Variants in IQCM observed in about 807,000 individuals in gnomAD.
IQCM encodes IQ motif containing M, also known as IQ domain-containing protein M.
Under a neutral mutation model 57.6 loss-of-function variants are expected in IQCM, and 45 were observed. The ratio of observed to expected loss-of-function variants is 0.78; its 90% confidence interval spans 0.62 to 1.00. The LOEUF is 1.00. Among genes scored for constraint, IQCM ranks in the 50% least tolerant of loss-of-function variants. IQCM has a pLI of 0.00. For missense variants in IQCM, 468 were observed against 511.6 expected, an observed-to-expected ratio of 0.91 and a Z score of 0.82; for synonymous variants, 148 against 158.9, an observed-to-expected ratio of 0.93 and a Z score of 0.51.
intron 13 of IQCM, among the ~76,000 whole-genome samples, chr4:149,395,088 C>T (rs1732131678): frequency 6.6e-6 from 1 of 151,994 alleles, no homozygotes; most frequent in Non-Finnish European, 1.5e-5. Context: ...TCTAAAACTT[C>T]CCTACTGAAA....
chr4:149,440,460 C>G (rs1735828447), intron 12 of IQCM, among the ~76,000 whole-genome samples: 1 of 151,996 alleles, frequency 6.6e-6, no homozygotes, highest in South Asian at 2.1e-4. Context: ...GTTAATTACA[C>G]AGTTAAATAT....
intron 7 of IQCM, among the ~76,000 whole-genome samples, chr4:149,670,881 G>A (rs1413784557): frequency 2.6e-5 from 4 of 151,592 alleles, no homozygotes; most frequent in Non-Finnish European, 5.9e-5. Context: ...CGGTTTGCCA[G>A]TATTTTACTG....
intron 12 of IQCM, among the ~76,000 whole-genome samples, chr4:149,537,800 T>C (rs1314175865): frequency 6.6e-6 from 1 of 151,814 alleles, no homozygotes; most frequent in East Asian, 1.9e-4. Context: ...CAGAAGGCAG[T>C]AGAAGGATAT....
intron 12 of IQCM, among the ~76,000 whole-genome samples, chr4:149,527,618 C>T (rs771479460): frequency 1.2e-4 from 18 of 152,068 alleles, no homozygotes; most frequent in African/African-American, 2.4e-4. Context: ...GCAGCCTGAG[C>T]GGAGTAAGAT....
At chr4:149,813,121 T>C (rs1774739565) in intron 2 of IQCM, among the ~76,000 whole-genome samples, 1 of 152,146 alleles carries the variant, frequency 6.6e-6, no homozygotes, top group Admixed American at 6.6e-5. Context: ...GCATTCTTAG[T>C]CCTGGCATCC....
intron 9 of IQCM, among the ~76,000 whole-genome samples, chr4:149,564,639 CA>C (rs1750438290): frequency 6.6e-6 from 1 of 152,136 alleles, no homozygotes; most frequent in Non-Finnish European, 1.5e-5. Context: ...TGTGAAAAGA[CA>C]GACTGGCCTA....
intron 13 of IQCM, 56 bp from the exon 14 acceptor site, chr4:149,352,122 T>C (rs1728624625): frequency 5.0e-6 from 2 of 398,620 alleles, no homozygotes; most frequent in Admixed American, 8.8e-5. Flanking sequence ...ATGATAGTAA[T>C]GTACCATGGT....
intron 2 of IQCM, among the ~76,000 whole-genome samples, chr4:149,766,754 A>G (rs1770098671): frequency 6.6e-6 from 1 of 152,162 alleles, no homozygotes; most frequent in Non-Finnish European, 1.5e-5. Flanking sequence ...GGGAAGAATT[A>G]TTATGAATAA....
At chr4:149,428,352 C>T (rs1450050550) in intron 13 of IQCM, among the ~76,000 whole-genome samples, 1 of 151,544 alleles carries the variant, frequency 6.6e-6, no homozygotes, top group African/African-American at 2.4e-5. Flanking sequence ...ATAAATCAAA[C>T]ATGTATTGGA....
chr4:149,523,184 G>T (rs1295451092), intron 12 of IQCM, among the ~76,000 whole-genome samples: 2 of 152,014 alleles, frequency 1.3e-5, no homozygotes, highest in Non-Finnish European at 2.9e-5. Context: ...TCTTATAAAA[G>T]CACTAATCCC....
chr4:149,398,956 A>G (rs576778711), intron 13 of IQCM, among the ~76,000 whole-genome samples: 1 of 152,122 alleles, frequency 6.6e-6, no homozygotes, highest in South Asian at 2.1e-4. Flanking sequence ...GCTGGGCTTG[A>G]ACTACTTGGC....
chr4:149,626,332 A>T lies in IQCM; in HGVS notation c.566-5088T>A, dbSNP rs77296755. 4.0e-5 allele frequency among the ~76,000 whole-genome samples: 6 copies of T among 149,540 alleles called. No individual in the cohort carries two copies. The East Asian group carries it at 1.2e-3, about 30-fold the overall frequency. ...TGGCTCTCCTTGCTCCTCAGCCTGC[A>T]GACAGCCTATTGTGGGACCTTTGTG... On this transcript the variant is annotated intron_variant, in intron 7 of 13. Coordinates refer to ENST00000636793, the MANE Select transcript of IQCM (RefSeq NM_001363507.2).
chr4:149,452,297 C>T (rs1166780390), intron 12 of IQCM, among the ~76,000 whole-genome samples: 1 of 150,332 alleles, frequency 6.7e-6, no homozygotes, highest in Non-Finnish European at 1.5e-5. Flanking sequence ...CAATGCAATC[C>T]CAATTATAAT....
intron 13 of IQCM, among the ~76,000 whole-genome samples, chr4:149,370,898 A>G (rs1730325693): frequency 9.0e-6 from 1 of 111,318 alleles, no homozygotes; most frequent in African/African-American, 3.0e-5. Flanking sequence ...TTATAGATAA[A>G]TCAGATAGAT....
At chr4:149,417,148 G>T (rs1733801738) in intron 13 of IQCM, among the ~76,000 whole-genome samples, 1 of 152,118 alleles carries the variant, frequency 6.6e-6, no homozygotes, top group South Asian at 2.1e-4. Context: ...AGCAGATGAA[G>T]AGATTAATCA....
intron 10 of IQCM, among the ~76,000 whole-genome samples, chr4:149,557,805 T>C (rs918497679): frequency 2.0e-5 from 3 of 152,230 alleles, no homozygotes; most frequent in African/African-American, 7.2e-5. Flanking sequence ...AAAGTCCGTA[T>C]AATATGGATT....
chr4:149,694,038 T>C (rs568001453), intron 5 of IQCM, among the ~76,000 whole-genome samples: 2 of 152,258 alleles, frequency 1.3e-5, no homozygotes, highest in East Asian at 3.9e-4. Context: ...GGGACTTATT[T>C]CCCTTGAATC....
chr4:149,621,587 G>A (rs774006432), intron 7 of IQCM, among the ~76,000 whole-genome samples: 1 of 151,924 alleles, frequency 6.6e-6, no homozygotes, highest in East Asian at 1.9e-4. Flanking sequence ...TCATGTTTGC[G>A]AATAGCACTT....
intron 7 of IQCM, among the ~76,000 whole-genome samples, chr4:149,651,278 C>T (rs1759152963): frequency 6.6e-6 from 1 of 152,096 alleles, no homozygotes; most frequent in African/African-American, 2.4e-5. Flanking sequence ...CACATTTTCC[C>T]AAGGTCTCAA....
Sources: allele counts gnomAD v4.1 joint callset (sites outside exome capture counted in the v4.1 genomes callset), GRCh38; gene constraint gnomAD v4.1.1; transcripts MANE v1.5; gene names NCBI Gene and HGNC (gene_info 2026-07-23, HGNC 2026-07-21).